The following SEC62 variants were observed in gnomAD, a reference collection of about 807,000 sequenced individuals.
The protein encoded by SEC62 is translocation protein SEC62.
Under a neutral mutation model 47.5 loss-of-function variants are expected in SEC62, and 10 were observed. That is an observed-to-expected ratio of 0.21 (90% CI 0.13 to 0.36). The LOEUF (loss-of-function observed/expected upper bound fraction) is 0.36, where lower values mean the gene tolerates loss of function less well. Among genes scored for constraint, SEC62 ranks in the 10% least tolerant of loss-of-function variants. SEC62 has a pLI of 1.00. For missense variants in SEC62, 327 were observed against 464.1 expected (o/e 0.70, Z 2.71); for synonymous variants, 136 against 150.5 (o/e 0.90, Z 0.71).
intron 1 of SEC62, among the ~76,000 whole-genome samples, chr3:169,967,621 C>T (rs1714568389): frequency 6.6e-6 from 1 of 152,150 alleles, no homozygotes; most frequent in African/African-American, 2.4e-5. Context: ...ACATGCGTGT[C>T]ATTTGTGCAT....
chr3:169,991,959 G>A (rs1715257327), intron 7 of SEC62, among the ~76,000 whole-genome samples: 1 of 152,114 alleles, frequency 6.6e-6, no homozygotes, highest in Non-Finnish European at 1.5e-5. Context: ...AGTCATAAAT[G>A]TATAGAAAAT....
In SEC62 at chr3:169,970,827, A is replaced by G. The variant is rs139774994; in HGVS notation, c.36+3969A>G. 1.0e-3 allele frequency among the ~76,000 whole-genome samples: 153 copies of G among 152,312 alleles called. 1 individual carries two copies. The highest frequency in any genetic ancestry group is 3.6e-3 in the African/African-American group (151 of 41,570). ...TTTCTCTTTATTAGTGGGTGCTACT[A>G]TTCCCAAAAGGCCTTCACTTTGTTA... On this transcript the variant is annotated intron_variant, in intron 1 of 7. Transcript: ENST00000337002.
At position 169,975,695 on chromosome 3, in the gene SEC62, C is replaced by T. The variant is rs1714819774; in HGVS notation, c.124C>T (p.His42Tyr). ...AACAAAGTCCACCAATATGATGGGT[C>T]ACCGGGTTGATTATTTTATTGGTAG... Reference protein sequence around the residue: ...CPTKSTNMMGHRVDYFIASKA... With the variant: ...CPTKSTNMMGYRVDYFIASKA... The change falls in exon 2 of 8, where the codon CAC becomes TAC. Residue 42 changes from histidine (H) to tyrosine (Y), a missense_variant. His to Tyr is a moderately conservative substitution (Grantham distance 83). Coordinates refer to ENST00000337002, the MANE Select transcript of SEC62 (RefSeq NM_003262.4). 1.2e-6 allele frequency: 2 copies of T among 1,609,662 alleles called. No homozygotes were observed. The highest frequency in any genetic ancestry group is 4.5e-5 in the East Asian group (2 of 44,814).
chr3:169,989,061 G>A (rs976347637), intron 7 of SEC62, among the ~76,000 whole-genome samples: 3 of 151,588 alleles, frequency 2.0e-5, no homozygotes, highest in Non-Finnish European at 2.9e-5. Context: ...ATAAGTAAAT[G>A]AATTTTCCGC....
At chr3:169,976,054 A>G (rs2108281757) in intron 2 of SEC62, among the ~76,000 whole-genome samples, 1 of 152,334 alleles carries the variant, frequency 6.6e-6, no homozygotes, top group African/African-American at 2.4e-5. Flanking sequence ...TGTCATTTAT[A>G]ACACCAGAGC....
chr3:169,989,223 A>G (rs184067701), intron 7 of SEC62, among the ~76,000 whole-genome samples: 120 of 147,806 alleles, frequency 8.1e-4, no homozygotes, highest in Middle Eastern at 3.5e-3. Context: ...CCTCCCAAGT[A>G]GCTAGGAGTA....
At position 169,994,970 on chromosome 3, in the gene SEC62, T is replaced by C. The variant is rs940871757; in HGVS notation, c.*1907T>C. On this transcript the variant is annotated 3_prime_UTR_variant, in exon 8 of 8. Transcript: ENST00000337002. ...ATTTTTATAAATATTTGGTGATCCC[T>C]GGGGGGAAATATCATTCTTACTATG... 1.3e-5 allele frequency: 2 copies of C among 152,146 alleles called. No individual in the cohort carries two copies. The highest frequency in any genetic ancestry group is 2.9e-5 in the Non-Finnish European group (2 of 67,994). The allele number at this position is 152,146 out of a possible 1,614,324, so 9.4% of individuals were successfully genotyped here.
chr3:169,993,331 A>G lies in SEC62; in HGVS notation c.*268A>G. 1 of 310,938 alleles carries G rather than the reference A, an allele frequency of 3.2e-6. No homozygotes were observed. The highest frequency in any genetic ancestry group is 5.7e-5 in the East Asian group (1 of 17,560). 19.3% of individuals were successfully genotyped at this position (310,938 alleles called of 1,614,324 possible). On this transcript the variant is annotated 3_prime_UTR_variant, in exon 8 of 8. Coordinates refer to ENST00000337002, the MANE Select transcript of SEC62 (RefSeq NM_003262.4). ...TCATTTTGACAGTTATCAAAGATGT[A>G]CTTTCCACAGTTAAATTTACATTAA...
Position 169,983,260 on chromosome 3 carries a change from G to A in SEC62, c.549+7G>A, listed in dbSNP as rs1349618876. The A allele has an allele frequency of 1.3e-6, 2 of 1,596,092 alleles. No individual in the cohort carries two copies. The highest frequency in any genetic ancestry group is 1.3e-5 in the African/African-American group (1 of 74,090). On this transcript the variant is annotated splice_region_variant and intron_variant, in intron 5 of 7. Coordinates refer to ENST00000337002, the MANE Select transcript of SEC62 (RefSeq NM_003262.4). ...TTTTCTGGATGGAAATGAGGTGAGAGTAAGCCTATAACTAGAAGTTCAGTT... is the reference window on the plus strand; with the variant it reads ...TTTTCTGGATGGAAATGAGGTGAGAATAAGCCTATAACTAGAAGTTCAGTT...
chr3:169,972,580 C>CTTTTTT (rs11391826), intron 1 of SEC62, among the ~76,000 whole-genome samples: 42 of 114,902 alleles, frequency 3.7e-4, no homozygotes, highest in African/African-American at 4.6e-4. Flanking sequence ...CTTTTTCTAT[C>CTTTTTT]TTTTTTTTTT....
At chr3:169,981,200 A>G (rs930716696) in intron 3 of SEC62, among the ~76,000 whole-genome samples, 2 of 152,232 alleles carry the variant, frequency 1.3e-5, no homozygotes, top group African/African-American at 4.8e-5. Flanking sequence ...CATTTGCACA[A>G]TTATATGCAC....
rs1715015070 is a variant in SEC62 at position 169,982,865 on chromosome 3, A to C, written c.410A>C (p.Lys137Thr). 6.4e-7 allele frequency: 1 copy of C among 1,564,922 alleles called. No individual in the cohort carries two copies. Among genetic ancestry groups the C allele is most frequent in the Admixed American group, 2.2e-5 (1 of 45,942 alleles). ...AATATAAAGGATGAGAAGACAAAAA[A>C]AGAAAAAGAGAAAAAAAAAGATGGT... Reference protein sequence around the residue: ...KENIKDEKTKKEKEKKKDGEK... With the variant: ...KENIKDEKTKTEKEKKKDGEK... The change falls in exon 4 of 8, where the codon AAA becomes ACA. Residue 137 changes from lysine to threonine, a missense_variant. By Grantham distance (78) the Lys-to-Thr change is moderately conservative (BLOSUM62 -1). Coordinates refer to ENST00000337002, the MANE Select transcript of SEC62 (RefSeq NM_003262.4).
At chr3:169,976,474 A>C (rs1301548488) in intron 2 of SEC62, among the ~76,000 whole-genome samples, 1 of 152,218 alleles carries the variant, frequency 6.6e-6, no homozygotes, top group Non-Finnish European at 1.5e-5. Flanking sequence ...TTTAAAAAGT[A>C]GATGTGCTAA....
At position 169,992,591 on chromosome 3, in the gene SEC62, C is replaced by T. The variant is rs757894291; in HGVS notation, c.731-3C>T. ...TCAATTAGAGAAATTTTTCTCCCCA[C>T]AGCTCGATGCATTCTATTTCTCATC... On this transcript the variant is annotated splice_region_variant and splice_polypyrimidine_tract_variant and intron_variant, in intron 7 of 7. Transcript: ENST00000337002. The surrounding 1 kb of genome is among the most constrained non-coding windows in gnomAD (Gnocchi z 4.0). 1 of 1,605,148 alleles carries T rather than the reference C, an allele frequency of 6.2e-7. No homozygotes were observed. Among genetic ancestry groups the T allele is most frequent in the Non-Finnish European group, 8.5e-7 (1 of 1,176,204 alleles).
chr3:169,985,031 G>C (rs553000021), intron 5 of SEC62: 3 of 152,192 alleles, frequency 2.0e-5, no homozygotes, highest in African/African-American at 7.2e-5. Flanking sequence ...TAGAGACTAT[G>C]TTCACCAAGC....
chr3:169,972,907 AT>A (rs1442072402), intron 1 of SEC62, among the ~76,000 whole-genome samples: 2 of 152,200 alleles, frequency 1.3e-5, no homozygotes, highest in African/African-American at 4.8e-5. Context: ...GGTCACATTT[AT>A]TCAGACTTCT....
chr3:169,986,792 A>G (rs984135140), intron 6 of SEC62, among the ~76,000 whole-genome samples: 3 of 152,116 alleles, frequency 2.0e-5, no homozygotes, highest in African/African-American at 7.2e-5. Flanking sequence ...CAATGGCACA[A>G]TCATGGCTCA....
Position 169,967,998 on chromosome 3 carries a change from A to G in SEC62, c.36+1140A>G, listed in dbSNP as rs557806081. Among the ~76,000 whole-genome samples, 4 of 152,318 alleles carry G rather than the reference A, an allele frequency of 2.6e-5. No individual in the cohort carries two copies. In the East Asian group the frequency reaches 7.7e-4, roughly 29 times the overall value. ...TGTGAAAAAGACACACATGATCAGT[A>G]AATTTGGAATTTTGGAATTTGGCAG... is the stretch of plus-strand genomic sequence containing the variant. On this transcript the variant is annotated intron_variant, in intron 1 of 7. Transcript: ENST00000337002.
intron 6 of SEC62, among the ~76,000 whole-genome samples, chr3:169,986,347 AGT>A (rs1715106589): frequency 6.6e-6 from 1 of 152,222 alleles, no homozygotes; most frequent in African/African-American, 2.4e-5. Flanking sequence ...AGTTGCACAA[AGT>A]GTGTGCATTG....
Sources: allele counts gnomAD v4.1 joint callset (sites outside exome capture counted in the v4.1 genomes callset), GRCh38; gene constraint gnomAD v4.1.1; non-coding constraint Gnocchi (gnomAD v3.1); transcripts MANE v1.5; gene names NCBI Gene and HGNC (gene_info 2026-07-23, HGNC 2026-07-21).